HDAC9: variants seen among roughly 807,000 people sequenced by gnomAD.
The protein encoded by HDAC9 is MEF-2 interacting transcription repressor (MITR) protein.
HDAC9 carries 41 observed loss-of-function variants against 139.4 expected under a neutral mutation model. The observed-to-expected ratio is 0.29, with a 90% CI of 0.23 to 0.38. HDAC9 has a LOEUF of 0.38. HDAC9 is among the 10% of genes least tolerant of loss of function. HDAC9 has a pLI of 1.00. For synonymous variants in HDAC9, 517 were observed against 476.2 expected, an observed-to-expected ratio of 1.09 and a Z score of -1.12; for missense variants, 1,147 against 1,297.0, an observed-to-expected ratio of 0.88 and a Z score of 1.78.
chr7:18,747,222 C>G (rs1465527502), intron 13 of HDAC9, among the ~76,000 whole-genome samples: 2 of 152,130 alleles, frequency 1.3e-5, no homozygotes, highest in African/African-American at 4.8e-5. Context: ...ATTTCAGTCT[C>G]TTTAGTGAAG....
intron 6 of HDAC9, among the ~76,000 whole-genome samples, chr7:18,618,772 G>A (rs938910155): frequency 1.6e-5 from 2 of 124,028 alleles, no homozygotes; most frequent in African/African-American, 2.8e-5. Flanking sequence ...GTAGGAATTC[G>A]TTTGTTACAG....
chr7:18,460,538 A>G (rs1021225915), intron 1 of HDAC9, among the ~76,000 whole-genome samples: 4 of 152,044 alleles, frequency 2.6e-5, no homozygotes, highest in Admixed American at 1.3e-4. Flanking sequence ...TAATCCCAGC[A>G]CTTTCAGAGG....
chr7:18,907,780 A>G (rs1172556804), intron 22 of HDAC9, among the ~76,000 whole-genome samples: 2 of 152,206 alleles, frequency 1.3e-5, no homozygotes, highest in Non-Finnish European at 2.9e-5. Flanking sequence ...TTGTTAGGGT[A>G]GTGACATCTT....
rs557388733 is a variant in HDAC9, at chr7:18,089,511, A to G, written c.-97+2298A>G. ...AATTATATATTTAAGATATAGATGA[A>G]TTCTATTTGAGGTTTAGGAGTTTTG... On this transcript the variant is annotated intron_variant, in intron 1 of 12. Coordinates refer to the HDAC9 transcript ENST00000417496. 8.5e-5 allele frequency among the ~76,000 whole-genome samples: 13 copies of G among 152,066 alleles called. No homozygotes were observed. In the East Asian group the frequency reaches 2.5e-3, roughly 29 times the overall value.
In HDAC9 at chr7:18,549,325, G is replaced by A. The variant is rs556236624; in HGVS notation, c.23-35956G>A. Among the ~76,000 whole-genome samples, 8 of 152,272 alleles carry A rather than the reference G, an allele frequency of 5.3e-5. No homozygotes were observed. The East Asian group carries it at 1.2e-3, about 22-fold the overall frequency. On this transcript the variant is annotated intron_variant, in intron 2 of 25. Transcript: ENST00000686413. ...TTGTCCTACAAAAATTAAAACTTAT[G>A]TTCGCACAGAATATTGTGCACAGTT...
chr7:18,596,160 TG>T (rs140479499), intron 6 of HDAC9, among the ~76,000 whole-genome samples: 2,498 of 152,220 alleles, frequency 0.016, 63 homozygotes, highest in African/African-American at 0.057. Context: ...ATTTATGAAG[TG>T]TCTGGCTGTT....
rs1790050482 is a variant in HDAC9, at chr7:18,653,506, A to G, written c.1467+4823A>G. Among the ~76,000 whole-genome samples, 4 of 152,232 alleles carry G rather than the reference A, an allele frequency of 2.6e-5. No homozygotes were observed. The South Asian group carries it at 6.2e-4, about 24-fold the overall frequency. Reference sequence around the variant, plus strand: ...AGCCAACACTTTTTTAAAAACTTACATAAATCATGAGATGATATCTTATAT... The same window carrying G: ...AGCCAACACTTTTTTAAAAACTTACGTAAATCATGAGATGATATCTTATAT... On this transcript the variant is annotated intron_variant, in intron 11 of 25. Coordinates refer to ENST00000686413, the MANE Select transcript of HDAC9 (RefSeq NM_178425.4).
At chr7:18,119,718 A>G (rs1784242913) in intron 1 of HDAC9, among the ~76,000 whole-genome samples, 1 of 152,166 alleles carries the variant, frequency 6.6e-6, no homozygotes, top group Non-Finnish European at 1.5e-5. Context: ...TATCTGTTGG[A>G]CTGAAAGTAA....
At chr7:18,451,964 C>G (rs1233309554) in intron 1 of HDAC9, among the ~76,000 whole-genome samples, 1 of 152,074 alleles carries the variant, frequency 6.6e-6, no homozygotes, top group Non-Finnish European at 1.5e-5. Context: ...TATGGTAGAT[C>G]CATATCCCAG....
intron 2 of HDAC9, among the ~76,000 whole-genome samples, chr7:18,208,418 G>A (rs549756246): frequency 1.4e-5 from 2 of 145,918 alleles, no homozygotes; most frequent in South Asian, 4.3e-4. Flanking sequence ...TGTCATCCAG[G>A]CTGGAGTACA....
At chr7:18,465,744 G>C (rs1794216068) in intron 1 of HDAC9, among the ~76,000 whole-genome samples, 1 of 151,994 alleles carries the variant, frequency 6.6e-6, no homozygotes, top group African/African-American at 2.4e-5. Context: ...ATAATTTATA[G>C]CTGTGTCTGA....
intron 21 of HDAC9, among the ~76,000 whole-genome samples, chr7:18,864,134 G>A (rs1798311626): frequency 6.6e-6 from 1 of 152,138 alleles, no homozygotes; most frequent in African/African-American, 2.4e-5. Flanking sequence ...CAACTTAAGT[G>A]TCCCTGGATG....
chr7:18,665,716 T>C (rs1794659801), intron 11 of HDAC9, among the ~76,000 whole-genome samples: 1 of 152,146 alleles, frequency 6.6e-6, no homozygotes, highest in Non-Finnish European at 1.5e-5. Context: ...TGACTGTCGT[T>C]TCTCTGTATA....
intron 22 of HDAC9, among the ~76,000 whole-genome samples, chr7:18,905,347 T>C (rs1003420317): frequency 6.6e-6 from 1 of 152,240 alleles, no homozygotes; most frequent in Non-Finnish European, 1.5e-5. Context: ...ACAGAGTAGA[T>C]GTTCATTAAG....
chr7:18,424,772 G>A (rs537815677), intron 1 of HDAC9, among the ~76,000 whole-genome samples: 84 of 152,216 alleles, frequency 5.5e-4, no homozygotes, highest in Non-Finnish European at 1.0e-3. Context: ...TCAGCTGGGC[G>A]TGATGGCACG....
intron 21 of HDAC9, among the ~76,000 whole-genome samples, chr7:18,871,033 AT>A (rs1231568961): frequency 6.6e-6 from 1 of 152,118 alleles, no homozygotes; most frequent in Non-Finnish European, 1.5e-5. Flanking sequence ...AATGGTAATT[AT>A]ATATTTTCCT....
intron 2 of HDAC9, among the ~76,000 whole-genome samples, chr7:18,186,300 A>C (rs770624234): frequency 6.6e-6 from 1 of 152,238 alleles, no homozygotes; most frequent in Admixed American, 6.5e-5. Context: ...CCTTCTTTAC[A>C]GGGACGTTTT....
At chr7:18,607,793 A>C (rs1457412012) in intron 6 of HDAC9, among the ~76,000 whole-genome samples, 1 of 151,600 alleles carries the variant, frequency 6.6e-6, no homozygotes, top group African/African-American at 2.4e-5. Context: ...ATTGCATTTC[A>C]TAAAGAGGTG....
At chr7:18,785,323 T>C (rs1431616151) in intron 16 of HDAC9, among the ~76,000 whole-genome samples, 1 of 151,714 alleles carries the variant, frequency 6.6e-6, no homozygotes, top group Non-Finnish European at 1.5e-5. Flanking sequence ...TTTTTGGTTG[T>C]ATACCAAAAA....
Sources: gnomAD v4.1 joint callset for allele counts (sites outside exome capture counted in the v4.1 genomes callset) on GRCh38, gnomAD v4.1.1 for gene constraint, MANE v1.5 for transcripts, NCBI Gene and HGNC (gene_info 2026-07-23, HGNC 2026-07-21) for gene names.